The following NOL4 variants were observed in gnomAD, a reference collection of about 807,000 sequenced individuals.
The protein encoded by NOL4 is cancer/testis antigen 125.
Under a neutral mutation model 75.9 loss-of-function variants are expected in NOL4, and 17 were observed. That is an observed-to-expected ratio of 0.22 (90% CI 0.15 to 0.34). The LOEUF (loss-of-function observed/expected upper bound fraction) is 0.34, where lower values mean the gene tolerates loss of function less well. NOL4 is among the 10% of genes least tolerant of loss of function. The pLI is 1.00. For synonymous variants in NOL4, 292 were observed against 289.9 expected (o/e 1.01, Z -0.07); for missense variants, 614 against 793.5 (o/e 0.77, Z 2.72).
chr18:33,859,633 C>A (rs1485188229), intron 10 of NOL4, among the ~76,000 whole-genome samples: 1 of 151,996 alleles, frequency 6.6e-6, no homozygotes, highest in East Asian at 1.9e-4. Flanking sequence ...CTATAAATAC[C>A]AGAGGCCAGG....
intron 1 of NOL4, chr18:34,221,240 T>A (rs559551142): frequency 6.6e-6 from 1 of 152,332 alleles, no homozygotes; most frequent in African/African-American, 2.4e-5. Flanking sequence ...AAAACATACA[T>A]GATATTATGA....
intron 5 of NOL4, among the ~76,000 whole-genome samples, chr18:34,035,019 G>C (rs2075823329): frequency 6.6e-6 from 1 of 151,898 alleles, no homozygotes; most frequent in Non-Finnish European, 1.5e-5. Flanking sequence ...AGAATAGTGG[G>C]AGACTTCAAC....
chr18:33,917,355 T>G (rs114488932), intron 9 of NOL4, among the ~76,000 whole-genome samples: 365 of 152,226 alleles, frequency 2.4e-3, no homozygotes, highest in African/African-American at 8.0e-3. Flanking sequence ...GGTACAGTTC[T>G]GTCTGATCTC....
intron 5 of NOL4, among the ~76,000 whole-genome samples, chr18:34,079,010 T>C (rs1466719893): frequency 6.6e-6 from 1 of 152,188 alleles, no homozygotes; most frequent in Non-Finnish European, 1.5e-5. Flanking sequence ...TCTTTTTAAT[T>C]GAATCTAGTT....
chr18:34,167,561 TAGAC>T (rs1555745727), intron 1 of NOL4, among the ~76,000 whole-genome samples: 3 of 150,582 alleles, frequency 2.0e-5, no homozygotes, highest in Non-Finnish European at 4.4e-5. Context: ...GATAGATAGA[TAGAC>T]AGACAGACAG....
At chr18:34,064,574 A>G (rs2077191145) in intron 5 of NOL4, among the ~76,000 whole-genome samples, 1 of 151,968 alleles carries the variant, frequency 6.6e-6, no homozygotes, top group South Asian at 2.1e-4. Context: ...ATAGATTAGC[A>G]TGCATTCCAA....
At chr18:33,853,311 G>GT (rs1289313895) in intron 10 of NOL4, among the ~76,000 whole-genome samples, 2 of 152,008 alleles carry the variant, frequency 1.3e-5, no homozygotes, top group Non-Finnish European at 2.9e-5. Context: ...TGGAACATGT[G>GT]TTTTTTGAAA....
At chr18:33,914,418 A>G (rs369276005) in intron 9 of NOL4, among the ~76,000 whole-genome samples, 140 of 152,272 alleles carry the variant, frequency 9.2e-4, no homozygotes, top group African/African-American at 3.2e-3. Flanking sequence ...AGCCTAGTAA[A>G]GACTTTGGTG....
At chr18:34,177,077 T>C (rs1177270554) in intron 1 of NOL4, among the ~76,000 whole-genome samples, 1 of 152,028 alleles carries the variant, frequency 6.6e-6, no homozygotes, top group Non-Finnish European at 1.5e-5. Context: ...AGGCGAATGA[T>C]ATGTCAAACC....
At chr18:33,984,272 C>T (rs535468804) in intron 6 of NOL4, among the ~76,000 whole-genome samples, 1 of 152,182 alleles carries the variant, frequency 6.6e-6, no homozygotes, top group East Asian at 1.9e-4. Context: ...TCATATCTTA[C>T]CCTAGGGTCA....
intron 9 of NOL4, among the ~76,000 whole-genome samples, chr18:33,910,053 A>G (rs1375225514): frequency 6.6e-6 from 1 of 152,244 alleles, no homozygotes; most frequent in African/African-American, 2.4e-5. Context: ...CACACTACAC[A>G]GAAATACATC....
chr18:34,161,052 G>C (rs1424364327), intron 1 of NOL4, among the ~76,000 whole-genome samples: 1 of 152,060 alleles, frequency 6.6e-6, no homozygotes, highest in Non-Finnish European at 1.5e-5. Context: ...GCTTCCACAT[G>C]AGTGAGAATA....
intron 9 of NOL4, among the ~76,000 whole-genome samples, chr18:33,894,543 CA>C (rs1161183335): frequency 5.3e-5 from 8 of 152,054 alleles, no homozygotes; most frequent in Non-Finnish European, 1.0e-4. Context: ...TCCAGACAAC[CA>C]ATGACAAGCT....
At chr18:33,964,908 G>T (rs1160821936) in intron 6 of NOL4, among the ~76,000 whole-genome samples, 1 of 152,026 alleles carries the variant, frequency 6.6e-6, no homozygotes, top group Admixed American at 6.6e-5. Context: ...AGAGAAATAA[G>T]ATATATTAAA....
chr18:34,153,613 G>T (rs780290341), intron 1 of NOL4, among the ~76,000 whole-genome samples: 9 of 151,906 alleles, frequency 5.9e-5, no homozygotes, highest in Non-Finnish European at 1.0e-4. Context: ...GCACTTCTTG[G>T]AGATCATTTC....
At chr18:34,197,079 T>A (rs2035384423) in intron 1 of NOL4, among the ~76,000 whole-genome samples, 1 of 143,550 alleles carries the variant, frequency 7.0e-6, no homozygotes, top group African/African-American at 2.6e-5. Context: ...AAATTATTTG[T>A]GCATGAGAAA....
intron 4 of NOL4, among the ~76,000 whole-genome samples, chr18:34,101,626 T>C (rs2079045025): frequency 6.6e-6 from 1 of 152,144 alleles, no homozygotes; most frequent in African/African-American, 2.4e-5. Context: ...ATCATTTCAA[T>C]GTTAGCAGTT....
intron 1 of NOL4, among the ~76,000 whole-genome samples, chr18:34,131,771 T>A (rs1422591650): frequency 6.6e-6 from 1 of 152,188 alleles, no homozygotes; most frequent in Non-Finnish European, 1.5e-5. Context: ...ATTTTATCAA[T>A]AAGTATTCAA....
At chr18:34,176,957 A>G (rs1375464172) in intron 1 of NOL4, among the ~76,000 whole-genome samples, 2 of 152,058 alleles carry the variant, frequency 1.3e-5, no homozygotes, top group Non-Finnish European at 2.9e-5. Context: ...CATAGAAGGG[A>G]TCCTTTATAA....
Sources: allele counts gnomAD v4.1 joint callset (sites outside exome capture counted in the v4.1 genomes callset), GRCh38; gene constraint gnomAD v4.1.1; transcripts MANE v1.5; gene names NCBI Gene and HGNC (gene_info 2026-07-23, HGNC 2026-07-21).